Variants in RBM34 observed in about 807,000 individuals in gnomAD.
The protein encoded by RBM34 is RNA-binding protein 34.
RBM34 carries 39 observed loss-of-function variants against 44.6 expected under a neutral mutation model. The observed-to-expected ratio is 0.87, with a 90% CI of 0.68 to 1.14. RBM34 has a LOEUF of 1.14. RBM34 is among the 50% of genes most tolerant of loss of function. The pLI is 0.00. For synonymous variants in RBM34, 194 were observed against 184.0 expected (o/e 1.05, Z -0.44); for missense variants, 572 against 517.9 (o/e 1.10, Z -1.01).
In RBM34 at chr1:235,131,982, G is replaced by GAAC. The variant is rs775836784; in HGVS notation, c.1021_1023dup (p.Val341dup). On this transcript the variant is annotated inframe_insertion, in exon 11 of 11. Coordinates refer to ENST00000408888, the MANE Select transcript of RBM34 (RefSeq NM_015014.4). Reference sequence around the variant, plus strand: ...GAATTATTTAATTTCAGAGCAAGATGAACAGAATCTGTATTCTGCAAAAGA... The same window carrying GAAC: ...GAATTATTTAATTTCAGAGCAAGATGAACAACAGAATCTGTATTCTGCAAAAGA... The GAAC allele has an allele frequency of 6.3e-7, 1 of 1,598,162 alleles. No individual in the cohort carries two copies. Among genetic ancestry groups the GAAC allele is most frequent in the Non-Finnish European group, 8.5e-7 (1 of 1,172,316 alleles).
chr1:235,152,862 C>T lies in RBM34; in HGVS notation c.598-97G>A, dbSNP rs560634244. On this transcript the variant is annotated intron_variant, in intron 4 of 10. Coordinates refer to ENST00000408888, the MANE Select transcript of RBM34 (RefSeq NM_015014.4). ...AGAAAAATTGTCTGATAATCCTCTA[C>T]TGCCAGGCTTTTTTTTTTTTTTTTG... 35 of 989,828 alleles carry T rather than the reference C, an allele frequency of 3.5e-5. 2 individuals are homozygous for T. In the South Asian group the frequency reaches 5.5e-4, roughly 15 times the overall value. 61.3% of individuals were successfully genotyped at this position (989,828 alleles called of 1,614,324 possible). A position where few individuals can be genotyped will look rare whatever the true frequency, so the allele number is the denominator to read the frequency against.
intron 5 of RBM34, among the ~76,000 whole-genome samples, chr1:235,150,735 T>C (rs565787134): frequency 6.6e-6 from 1 of 152,114 alleles, no homozygotes; most frequent in African/African-American, 2.4e-5. Flanking sequence ...TAAGACAGAG[T>C]ATTTGTAACC....
Position 235,155,007 on chromosome 1 carries a change from T to A in RBM34, c.471A>T (p.Ile157=). The change falls in exon 4 of 11, where the codon ATA becomes ATT. Residue 157 remains isoleucine, a synonymous_variant. Coordinates refer to ENST00000408888, the MANE Select transcript of RBM34 (RefSeq NM_015014.4). ...QPGVKVADRK[I]LDDTEDTVVS... ...CAACTGTGTCTTCTGTGTCATCAAG[T>A]ATTTTTCTATCTGCTACTTTAACAC... 6.2e-7 allele frequency: 1 copy of A among 1,614,116 alleles called. No individual in the cohort carries two copies. The highest frequency in any genetic ancestry group is 1.1e-5 in the South Asian group (1 of 91,084).
chr1:235,149,513 C>T (rs543452249), intron 5 of RBM34, among the ~76,000 whole-genome samples: 5 of 151,146 alleles, frequency 3.3e-5, no homozygotes, highest in Admixed American at 2.6e-4. Flanking sequence ...TATAAAAAGA[C>T]ATATCACCTG....
At chr1:235,159,530 AGAGTGAGACTCCAGCTC>A in intron 3 of RBM34, among the ~76,000 whole-genome samples, 1 of 150,750 alleles carries the variant, frequency 6.6e-6, no homozygotes, top group African/African-American at 2.4e-5. Context: ...CCTTGGCGAC[AGAGTGAGACTCCAGCTC>A]AAAAAAAAAA....
At chr1:235,160,691 G>A in intron 2 of RBM34, 44 bp from the exon 3 acceptor site, 1 of 1,591,252 alleles carries the variant, frequency 6.3e-7, no homozygotes, top group Non-Finnish European at 8.6e-7. Flanking sequence ...CATACTTCTA[G>A]AATTCTGACC....
chr1:235,143,121 A>G (rs1280932394), intron 6 of RBM34, among the ~76,000 whole-genome samples: 1 of 152,194 alleles, frequency 6.6e-6, no homozygotes, highest in Non-Finnish European at 1.5e-5. Flanking sequence ...CAAAGAATAG[A>G]TACAAATAGT....
intron 3 of RBM34, among the ~76,000 whole-genome samples, chr1:235,158,345 G>A (rs1412554004): frequency 6.6e-6 from 1 of 151,938 alleles, no homozygotes; most frequent in African/African-American, 2.4e-5. Flanking sequence ...TGAACCCAGA[G>A]GCGGAGGTTG....
chr1:235,160,879 G>C lies in RBM34; in HGVS notation c.228+14C>G. 6.2e-7 allele frequency: 1 copy of C among 1,612,698 alleles called. No homozygotes were observed. The highest frequency in any genetic ancestry group is 1.1e-5 in the South Asian group (1 of 91,042). On this transcript the variant is annotated intron_variant, in intron 2 of 10. Transcript: ENST00000408888. ...TTCTAACGAGCTATTCGGGAAGAAA[G>C]CCCAGTGACTTACTTTAGGCACAGG... is the stretch of plus-strand genomic sequence containing the variant.
At chr1:235,155,706 T>A (rs1157953618) in intron 3 of RBM34, among the ~76,000 whole-genome samples, 4 of 149,306 alleles carry the variant, frequency 2.7e-5, no homozygotes, top group African/African-American at 9.9e-5. Flanking sequence ...GGTTTCACCA[T>A]GTTGGCCAGG....
intron 5 of RBM34, among the ~76,000 whole-genome samples, chr1:235,149,794 G>A (rs1230879377): frequency 2.6e-5 from 4 of 152,154 alleles, no homozygotes; most frequent in African/African-American, 9.7e-5. Flanking sequence ...GAACATAAAT[G>A]CCATGTAGGG....
intron 8 of RBM34, among the ~76,000 whole-genome samples, chr1:235,136,362 A>G (rs1661432771): frequency 1.3e-5 from 2 of 152,220 alleles, no homozygotes; most frequent in African/African-American, 4.8e-5. Flanking sequence ...AAAGGGCCAG[A>G]TAGCAAATAT....
Position 235,155,116 on chromosome 1 carries a change from T to A in RBM34, c.366-4A>T. On this transcript the variant is annotated splice_polypyrimidine_tract_variant and splice_region_variant and intron_variant, in intron 3 of 10. Coordinates refer to ENST00000408888, the MANE Select transcript of RBM34 (RefSeq NM_015014.4). ...AGCACTCGCTAGAGCGCTTTCCCTTTTTAAGGCAAAAAATAAAATAAGCAG... is the reference window on the plus strand; with the variant it reads ...AGCACTCGCTAGAGCGCTTTCCCTTATTAAGGCAAAAAATAAAATAAGCAG... 1 of 1,609,168 alleles carries A rather than the reference T, an allele frequency of 6.2e-7. No homozygotes were observed. The highest frequency in any genetic ancestry group is 8.5e-7 in the Non-Finnish European group (1 of 1,178,666).
At chr1:235,145,695 T>C (rs998258914) in intron 6 of RBM34, among the ~76,000 whole-genome samples, 1 of 152,232 alleles carries the variant, frequency 6.6e-6, no homozygotes, top group Non-Finnish European at 1.5e-5. Context: ...CCCTTCTGAC[T>C]GAGCAATGCC....
chr1:235,144,718 G>T (rs1661831648), intron 6 of RBM34, among the ~76,000 whole-genome samples: 1 of 152,142 alleles, frequency 6.6e-6, no homozygotes, highest in South Asian at 2.1e-4. Flanking sequence ...CTGCACTTCT[G>T]CTGGAGAACA....
intron 5 of RBM34, among the ~76,000 whole-genome samples, chr1:235,149,196 G>C (rs1558144961): frequency 6.6e-6 from 1 of 151,738 alleles, no homozygotes; most frequent in Non-Finnish European, 1.5e-5. Flanking sequence ...AGACCATCCT[G>C]GCTAACACGG....
chr1:235,131,930 ACT>A lies in RBM34; in HGVS notation c.1074_1075del (p.Arg358SerfsTer6), dbSNP rs1184165620. On this transcript the variant is annotated frameshift_variant, in exon 11 of 11. Coordinates refer to ENST00000408888, the MANE Select transcript of RBM34 (RefSeq NM_015014.4). LOFTEE classifies it high-confidence loss of function. ...TTTTTCTTTATTAACAGAACGCATGACTCTGAGTTTTCTCCCCATGAGTTCAG... is the reference window on the plus strand; with the variant it reads ...TTTTTCTTTATTAACAGAACGCATGACTGAGTTTTCTCCCCATGAGTTCAG... 1 of 1,612,486 alleles carries A rather than the reference ACT, an allele frequency of 6.2e-7. No individual in the cohort carries two copies. Among genetic ancestry groups the A allele is most frequent in the Non-Finnish European group, 8.5e-7 (1 of 1,178,912 alleles).
chr1:235,150,914 C>A (rs137939672), intron 5 of RBM34, among the ~76,000 whole-genome samples: 1 of 151,874 alleles, frequency 6.6e-6, no homozygotes, highest in Admixed American at 6.6e-5. Flanking sequence ...TAGCAGGCCC[C>A]GTGAGGGGTG....
chr1:235,145,031 A>C (rs1207351310), intron 6 of RBM34, among the ~76,000 whole-genome samples: 2 of 152,208 alleles, frequency 1.3e-5, no homozygotes, highest in Non-Finnish European at 2.9e-5. Context: ...CAACAAGAGC[A>C]AAACTCCGTC....
Sources: gnomAD v4.1 joint callset for allele counts (sites outside exome capture counted in the v4.1 genomes callset) on GRCh38, gnomAD v4.1.1 for gene constraint, MANE v1.5 for transcripts, NCBI Gene and HGNC (gene_info 2026-07-23, HGNC 2026-07-21) for gene names.